MAP4K5: variants seen among roughly 807,000 people sequenced by gnomAD.
MAP4K5 encodes MAPK/ERK kinase kinase kinase 5.
In MAP4K5, 82 loss-of-function variants were observed where a neutral mutation model predicts 135.6. The observed-to-expected ratio is 0.60, with a 90% CI of 0.51 to 0.73. The LOEUF is 0.73. Ranked by LOEUF, MAP4K5 falls within the 30% of genes least tolerant of loss-of-function variation. The pLI is 0.00. For synonymous variants in MAP4K5, 347 were observed against 335.0 expected, an observed-to-expected ratio of 1.04 and a Z score of -0.39; for missense variants, 907 against 1,010.9, an observed-to-expected ratio of 0.90 and a Z score of 1.39.
At position 50,456,599 on chromosome 14, in the gene MAP4K5, G is replaced by A; in HGVS notation, c.937-5C>T. The A allele has an allele frequency of 1.3e-6, 2 of 1,547,542 alleles. No homozygotes were observed. Among genetic ancestry groups the A allele is most frequent in the Non-Finnish European group, 1.8e-6 (2 of 1,140,490 alleles). On this transcript the variant is annotated splice_region_variant and splice_polypyrimidine_tract_variant and intron_variant, in intron 13 of 32. Transcript: ENST00000682126. ...ATGACGAATGATTGCATGGGGCTGT[G>A]AATATAAGCATAATATATATACTTT...
chr14:50,446,108 G>A lies in MAP4K5; in HGVS notation c.1156C>T (p.Arg386Cys), dbSNP rs368492913. 4.1e-5 allele frequency: 65 copies of A among 1,572,714 alleles called. No homozygotes were observed. Among genetic ancestry groups the A allele is most frequent in the Middle Eastern group, 1.7e-4 (1 of 5,810 alleles). ...GANTGKSTSK[R>C]AIPPPLPPKP... ...GGAGGTAGGGGAGGTGGTATTGCAC[G>A]TTTTGAGGTTGATCTAATACAAAGA... Residue 386 changes from arginine to cysteine, a missense_variant, in exon 17 of 33, where the codon CGT becomes TGT. Coordinates refer to ENST00000682126, the MANE Select transcript of MAP4K5 (RefSeq NM_006575.6).
chr14:50,451,398 T>G (rs555651917), intron 14 of MAP4K5, among the ~76,000 whole-genome samples: 7 of 152,276 alleles, frequency 4.6e-5, no homozygotes, highest in African/African-American at 1.7e-4. Flanking sequence ...GGGGCAGAAA[T>G]TTTGAATAAA....
At position 50,483,925 on chromosome 14, in the gene MAP4K5, A is replaced by T. The variant is rs2037309374; in HGVS notation, c.323-1509T>A. 5.3e-5 allele frequency among the ~76,000 whole-genome samples: 8 copies of T among 151,542 alleles called. No individual in the cohort carries two copies. In the South Asian group the frequency reaches 1.7e-3, roughly 32 times the overall value. On this transcript the variant is annotated intron_variant, in intron 5 of 32. Coordinates refer to ENST00000682126, the MANE Select transcript of MAP4K5 (RefSeq NM_006575.6). ...GCCCAGGCTGGAGTGCACTGGCGTG[A>T]TCTTGGTTCACTGCAACCACCGCCT...
intron 13 of MAP4K5, 79 bp from the exon 14 acceptor site, chr14:50,456,673 T>C: frequency 1.2e-6 from 1 of 824,602 alleles, no homozygotes; most frequent in Non-Finnish European, 1.9e-6. Flanking sequence ...TTATCATTTA[T>C]TGATAAATAT....
chr14:50,527,410 CCA>C (rs1491212461), intron 2 of MAP4K5, among the ~76,000 whole-genome samples: 3 of 139,540 alleles, frequency 2.1e-5, no homozygotes, highest in African/African-American at 8.9e-5. Context: ...ACCCTGTCAT[CCA>C]AAAAAAAAAA....
intron 2 of MAP4K5, among the ~76,000 whole-genome samples, chr14:50,511,869 T>C (rs1438490207): frequency 6.6e-6 from 1 of 152,076 alleles, no homozygotes; most frequent in Non-Finnish European, 1.5e-5. Flanking sequence ...TAAAAAGCAA[T>C]GGTTGTCTGG....
At chr14:50,504,078 C>T (rs1415293004) in intron 3 of MAP4K5, among the ~76,000 whole-genome samples, 1 of 152,024 alleles carries the variant, frequency 6.6e-6, no homozygotes, top group Non-Finnish European at 1.5e-5. Flanking sequence ...ACTATTATCT[C>T]TCTAATGAAT....
chr14:50,537,697 C>T (rs1222070927), intron 2 of MAP4K5, among the ~76,000 whole-genome samples: 2 of 152,334 alleles, frequency 1.3e-5, no homozygotes, highest in African/African-American at 4.8e-5. Context: ...GACATGGAGT[C>T]AAAGGAGATC....
chr14:50,498,232 A>G (rs932496056), intron 3 of MAP4K5, among the ~76,000 whole-genome samples: 1 of 152,186 alleles, frequency 6.6e-6, no homozygotes, highest in Non-Finnish European at 1.5e-5. Flanking sequence ...AATCAAAGAG[A>G]TGAAAAATGC....
At position 50,456,548 on chromosome 14, in the gene MAP4K5, G is replaced by C; in HGVS notation, c.983C>G (p.Ala328Gly). Residue 328 changes from alanine to glycine, a missense_variant, in exon 14 of 33, where the codon GCC becomes GGC. This residue lies in a region of MAP4K5 where 690 missense variants were observed against 777.4 expected (regional missense o/e 0.89). Transcript: ENST00000682126. ...RHTIRSTNRNARAERTASEIN... is the reference protein window; with the variant it reads ...RHTIRSTNRNGRAERTASEIN... ...TTCTGAAGCTGTCCGTTCAGCTCTGGCATTCCTGTTTGTAGATCTAATGGT... is the reference window on the plus strand; with the variant it reads ...TTCTGAAGCTGTCCGTTCAGCTCTGCCATTCCTGTTTGTAGATCTAATGGT... 1 of 1,580,202 alleles carries C rather than the reference G, an allele frequency of 6.3e-7. No homozygotes were observed. Among genetic ancestry groups the C allele is most frequent in the South Asian group, 1.2e-5 (1 of 86,318 alleles).
chr14:50,443,827 T>C (rs1595442927), intron 19 of MAP4K5, 57 bp from the exon 20 acceptor site: 2 of 1,532,640 alleles, frequency 1.3e-6, no homozygotes, highest in Admixed American at 3.9e-5. Flanking sequence ...AAAAGAAACT[T>C]GAGACATTTA....
At chr14:50,488,287 C>T (rs1182472238) in intron 3 of MAP4K5, among the ~76,000 whole-genome samples, 2 of 152,116 alleles carry the variant, frequency 1.3e-5, no homozygotes, top group Admixed American at 6.5e-5. Context: ...ATGGGGGAAA[C>T]CACCTCCATG....
intron 10 of MAP4K5, among the ~76,000 whole-genome samples, chr14:50,467,323 T>C (rs1043849563): frequency 6.6e-6 from 1 of 151,970 alleles, no homozygotes; most frequent in Non-Finnish European, 1.5e-5. Flanking sequence ...AACAAATACA[T>C]TTTTCCTTTC....
intron 13 of MAP4K5, among the ~76,000 whole-genome samples, 188 bp downstream of exon 13, chr14:50,462,477 T>C (rs1356612943): frequency 6.6e-6 from 1 of 152,168 alleles, no homozygotes; most frequent in African/African-American, 2.4e-5. Flanking sequence ...CAACTGGTTA[T>C]ACCACAATAA....
intron 6 of MAP4K5, among the ~76,000 whole-genome samples, chr14:50,482,017 A>C (rs1420846086): frequency 6.6e-6 from 1 of 152,228 alleles, no homozygotes; most frequent in Non-Finnish European, 1.5e-5. Flanking sequence ...AGGTTTGGTA[A>C]TTCATTCTTG....
At chr14:50,513,685 T>C (rs193034244) in intron 2 of MAP4K5, among the ~76,000 whole-genome samples, 1 of 152,324 alleles carries the variant, frequency 6.6e-6, no homozygotes, top group East Asian at 1.9e-4. Flanking sequence ...TGTATTTCTC[T>C]GTTCTTCACA....
chr14:50,451,377 G>A (rs926661114), intron 14 of MAP4K5, among the ~76,000 whole-genome samples: 2 of 152,198 alleles, frequency 1.3e-5, no homozygotes, highest in Admixed American at 1.3e-4. Context: ...CAGAAGCAGA[G>A]GAGAGAGACT....
intron 6 of MAP4K5, among the ~76,000 whole-genome samples, chr14:50,476,914 T>G (rs190915557): frequency 6.6e-6 from 1 of 152,346 alleles, no homozygotes; most frequent in East Asian, 1.9e-4. Context: ...CAAACACTGA[T>G]GTGCTTTCTG....
At chr14:50,551,460 G>A (rs2140160404) in intron 1 of MAP4K5, among the ~76,000 whole-genome samples, 1 of 152,156 alleles carries the variant, frequency 6.6e-6, no homozygotes, top group East Asian at 1.9e-4. Flanking sequence ...AGAAGAATTG[G>A]TACCAATTCT....
Sources: gnomAD v4.1 joint callset for allele counts (sites outside exome capture counted in the v4.1 genomes callset) on GRCh38, gnomAD v4.1.1 for gene constraint, gnomAD v4.1.1 regional missense constraint, MANE v1.5 for transcripts, NCBI Gene and HGNC (gene_info 2026-07-23, HGNC 2026-07-21) for gene names.